DDX4: variants seen among roughly 807,000 people sequenced by gnomAD.
DDX4 encodes probable ATP-dependent RNA helicase DDX4.
A neutral mutation model predicts 100.0 loss-of-function variants in DDX4; 25 were observed. That is an observed-to-expected ratio of 0.25 (90% confidence interval 0.18 to 0.35). The LOEUF (loss-of-function observed/expected upper bound fraction) is 0.35, where lower values mean the gene tolerates loss of function less well. Ranked by LOEUF, DDX4 falls within the 10% of genes least tolerant of loss-of-function variation. The probability of loss-of-function intolerance (pLI) is 1.00; values close to 1 mark genes in which losing one functional copy is unlikely to be tolerated. For synonymous variants in DDX4, 259 were observed against 275.7 expected (o/e 0.94, Z 0.60); for missense variants, 635 against 882.4 (o/e 0.72, Z 3.55).
chr5:55,813,801 G>A (rs1744244085), intron 19 of DDX4, 29 bp downstream of exon 19: 1 of 1,539,328 alleles, frequency 6.5e-7, no homozygotes, highest in African/African-American at 1.4e-5. Flanking sequence ...TTACCTATTA[G>A]GGGAATGACT....
chr5:55,815,291 A>T, intron 20 of DDX4, 22 bp from the exon 21 acceptor site: 1 of 1,603,888 alleles, frequency 6.2e-7, no homozygotes, highest in Non-Finnish European at 8.5e-7. Flanking sequence ...TATGTTGCAT[A>T]TGAAGTCAAT....
Position 55,814,919 on chromosome 5 carries a change from G to A in DDX4, c.1734G>A (p.Glu578=). 6.2e-7 allele frequency: 1 copy of A among 1,614,004 alleles called. No homozygotes were observed. The highest frequency in any genetic ancestry group is 8.5e-7 in the Non-Finnish European group (1 of 1,179,864). The stretch of plus-strand genomic sequence containing the variant: ...TTTCAAGTGATCGGGAACAGAGAGA[G>A]CGGGAGCAAGCTCTTGGAGATTTTC... ...TSIHGDREQR[E]REQALGDFRF... is the part of the protein sequence containing the mutation. The change falls in exon 20 of 22, where the codon GAG becomes GAA. Residue 578 remains glutamate, a synonymous_variant. Coordinates refer to ENST00000505374, the MANE Select transcript of DDX4 (RefSeq NM_024415.3).
At position 55,740,804 on chromosome 5, in the gene DDX4, G is replaced by T. The variant is rs182589261; in HGVS notation, c.69+1772G>T. Among the ~76,000 whole-genome samples the T allele has an allele frequency of 4.1e-4, 63 of 152,012 alleles. 1 individual carries two copies. In the East Asian group the frequency reaches 0.01, roughly 24 times the overall value. On this transcript the variant is annotated intron_variant, in intron 2 of 21. Transcript: ENST00000505374. ...CAAAGTGCTGGGATTACAGGCATGG[G>T]CCACCACACCCAGCCATATAACAGT...
intron 7 of DDX4, among the ~76,000 whole-genome samples, chr5:55,776,446 A>G (rs1181014493): frequency 6.6e-6 from 1 of 152,218 alleles, no homozygotes; most frequent in Non-Finnish European, 1.5e-5. Flanking sequence ...TCCTCAGCAA[A>G]TAAAATTAAA....
chr5:55,782,059 G>A, intron 10 of DDX4, 78 bp downstream of exon 10: 1 of 1,517,448 alleles, frequency 6.6e-7, no homozygotes, highest in Non-Finnish European at 9.0e-7. Context: ...TACTTCACTG[G>A]TTGGAAACAA....
intron 17 of DDX4, among the ~76,000 whole-genome samples, chr5:55,798,167 G>A (rs1478775355): frequency 6.6e-6 from 1 of 151,972 alleles, no homozygotes; most frequent in Non-Finnish European, 1.5e-5. Flanking sequence ...AGTTTTGCGT[G>A]GATAGCAAAT....
At chr5:55,803,528 A>G (rs1260551551) in intron 18 of DDX4, among the ~76,000 whole-genome samples, 2 of 119,448 alleles carry the variant, frequency 1.7e-5, no homozygotes, top group Admixed American at 1.1e-4. Context: ...TCCTGTGTCC[A>G]TGTGTTCTCA....
intron 18 of DDX4, among the ~76,000 whole-genome samples, chr5:55,803,813 A>T (rs1743500238): frequency 6.6e-6 from 1 of 152,120 alleles, no homozygotes. Context: ...TTATAGCAGC[A>T]TGATTTATAG....
intron 3 of DDX4, among the ~76,000 whole-genome samples, chr5:55,758,897 AAGAG>A (rs1429838125): frequency 7.2e-6 from 1 of 139,136 alleles, no homozygotes; most frequent in South Asian, 2.3e-4. Flanking sequence ...AAAAAAAAAA[AAGAG>A]GCAGACAGAC....
chr5:55,781,839 G>T, intron 9 of DDX4, 95 bp from the exon 10 acceptor site: 3 of 1,359,548 alleles, frequency 2.2e-6, no homozygotes, highest in Non-Finnish European at 3.1e-6. Flanking sequence ...GGATTCCTAA[G>T]TAATAACTTT....
At chr5:55,767,818 T>A (rs1012151351) in intron 6 of DDX4, 63 bp from the exon 7 acceptor site, 14 of 1,251,202 alleles carry the variant, frequency 1.1e-5, no homozygotes, top group African/African-American at 1.5e-5. Context: ...ACAGTGCTAT[T>A]CTTTATATAT....
intron 3 of DDX4, among the ~76,000 whole-genome samples, chr5:55,754,382 AG>A (rs1444767402): frequency 1.1e-5 from 1 of 94,976 alleles, no homozygotes; most frequent in African/African-American, 4.1e-5. Flanking sequence ...TTTAGCATGA[AG>A]GGTTGTTGAA....
intron 6 of DDX4, among the ~76,000 whole-genome samples, chr5:55,765,428 A>ATATATATATATG (rs1740855328): frequency 7.1e-6 from 1 of 141,454 alleles, no homozygotes; most frequent in African/African-American, 2.6e-5. Context: ...ATATATATAT[A>ATATATATATATG]TATATATATG....
At position 55,816,492 on chromosome 5, in the gene DDX4, T is replaced by G. The variant is rs1744429498; in HGVS notation, c.2127T>G (p.Phe709Leu). 1 of 1,612,878 alleles carries G rather than the reference T, an allele frequency of 6.2e-7. No individual in the cohort carries two copies. Among genetic ancestry groups the G allele is most frequent in the Non-Finnish European group, 8.5e-7 (1 of 1,179,392 alleles). Reference protein sequence around the residue: ...KGKSTLNTAGFSSSQAPNPVD... With the variant: ...KGKSTLNTAGLSSSQAPNPVD... The stretch of plus-strand genomic sequence containing the variant: ...AGAGCACTTTGAACACAGCTGGGTT[T>G]TCTTCTTCACAAGCTCCCAATCCAG... Residue 709 changes from phenylalanine (F) to leucine (L), a missense_variant, in exon 22 of 22, where the codon TTT becomes TTG. Phe to Leu is a conservative substitution (Grantham distance 22, BLOSUM62 0). Transcript: ENST00000505374.
chr5:55,753,591 G>C (rs1044660722), intron 3 of DDX4, among the ~76,000 whole-genome samples: 2 of 151,974 alleles, frequency 1.3e-5, no homozygotes, highest in African/African-American at 4.8e-5. Context: ...AGTATAGTTT[G>C]AAGTCAGGTA....
chr5:55,746,248 C>G, intron 3 of DDX4, 27 bp downstream of exon 3: 11 of 1,588,042 alleles, frequency 6.9e-6, no homozygotes, highest in Non-Finnish European at 8.6e-6. Flanking sequence ...AAAGGTAAAA[C>G]CCTTTTTAGT....
intron 7 of DDX4, among the ~76,000 whole-genome samples, chr5:55,777,145 T>C (rs552183880): frequency 6.6e-6 from 1 of 151,978 alleles, no homozygotes. Context: ...GTGGTGAAAA[T>C]TGGTAAAAAT....
rs569276084 is a variant in DDX4 at position 55,749,212 on chromosome 5, G to C, written c.127+2991G>C. On this transcript the variant is annotated intron_variant, in intron 3 of 21. Coordinates refer to ENST00000505374, the MANE Select transcript of DDX4 (RefSeq NM_024415.3). ...GAGGTGGGAGAATTGCCTGAAACTG[G>C]GAGTTCAGAACCAGCATGGGAAACA... 3.9e-5 allele frequency among the ~76,000 whole-genome samples: 6 copies of C among 152,194 alleles called. No homozygotes were observed. The East Asian group carries it at 1.2e-3, about 29-fold the overall frequency.
intron 3 of DDX4, among the ~76,000 whole-genome samples, chr5:55,759,207 A>G (rs1274362962): frequency 6.6e-6 from 1 of 151,570 alleles, no homozygotes; most frequent in Non-Finnish European, 1.5e-5. Context: ...CTTTTGTGTG[A>G]TTTACTTTGT....
Sources: gnomAD v4.1 joint callset for allele counts (sites outside exome capture counted in the v4.1 genomes callset) on GRCh38, gnomAD v4.1.1 for gene constraint, MANE v1.5 for transcripts, NCBI Gene and HGNC (gene_info 2026-07-23, HGNC 2026-07-21) for gene names.